Variants in HS2ST1 observed in about 807,000 individuals in gnomAD.
HS2ST1 encodes the protein heparan sulfate 2-O-sulfotransferase 1.
In HS2ST1, 18 loss-of-function variants were observed where a neutral mutation model predicts 42.9. The observed-to-expected ratio is 0.42, with a 90% CI of 0.29 to 0.62. HS2ST1 has a LOEUF of 0.62. HS2ST1 is among the 20% of genes least tolerant of loss of function. HS2ST1 has a pLI of 0.21. For missense variants in HS2ST1, 334 were observed against 433.8 expected (o/e 0.77, Z 2.04); for synonymous variants, 146 against 152.9 (o/e 0.95, Z 0.33).
At chr1:87,037,439 A>AAT (rs1371329476) in intron 1 of HS2ST1, among the ~76,000 whole-genome samples, 1 of 151,806 alleles carries the variant, frequency 6.6e-6, no homozygotes, top group East Asian at 1.9e-4. Flanking sequence ...ATGGCCTTTT[A>AAT]ATATATATAT....
chr1:87,059,842 T>G lies in HS2ST1; in HGVS notation c.125-13092T>G, dbSNP rs560438712. On this transcript the variant is annotated intron_variant, in intron 1 of 6. Transcript: ENST00000370550. ...CAGTACAATCAAGGCAAATTGGTGT[T>G]TTTCTAAACTGTGAATTGGGAGAGG... Among the ~76,000 whole-genome samples the G allele has an allele frequency of 1.2e-3, 179 of 152,234 alleles. 1 individual carries two copies. The highest frequency in any genetic ancestry group is 4.0e-3 in the African/African-American group (168 of 41,528).
At chr1:87,103,302 A>G (rs1041023136) in intron 5 of HS2ST1, 130 bp from the exon 6 acceptor site, 7 of 734,190 alleles carry the variant, frequency 9.5e-6, no homozygotes, top group African/African-American at 5.5e-5. Context: ...ACAGGATGGT[A>G]ATAAAGAGGC....
intron 1 of HS2ST1, among the ~76,000 whole-genome samples, chr1:86,929,427 A>G (rs148601703): frequency 7.6e-4 from 115 of 151,934 alleles, no homozygotes; most frequent in African/African-American, 2.5e-3. Flanking sequence ...AAGAAGTAAT[A>G]ATCACTGGCA....
chr1:86,980,690 A>G (rs1457356416), intron 1 of HS2ST1, among the ~76,000 whole-genome samples: 1 of 152,206 alleles, frequency 6.6e-6, no homozygotes, highest in East Asian at 1.9e-4. Context: ...TATACCAAGT[A>G]AATCCAAGGT....
At chr1:87,037,426 TA>T (rs1650407138) in intron 1 of HS2ST1, among the ~76,000 whole-genome samples, 1 of 151,798 alleles carries the variant, frequency 6.6e-6, no homozygotes, top group African/African-American at 2.4e-5. Context: ...ATCTGTACAA[TA>T]AATGGCCTTT....
chr1:87,012,673 A>T (rs1649635493), intron 1 of HS2ST1, among the ~76,000 whole-genome samples: 1 of 152,184 alleles, frequency 6.6e-6, no homozygotes, highest in Non-Finnish European at 1.5e-5. Context: ...TAACTCATTC[A>T]GCATTAACTC....
At chr1:86,998,627 A>C (rs1649178172) in intron 1 of HS2ST1, among the ~76,000 whole-genome samples, 1 of 152,164 alleles carries the variant, frequency 6.6e-6, no homozygotes, top group African/African-American at 2.4e-5. Flanking sequence ...GAATTTTTTT[A>C]GGCTTCTGTT....
intron 1 of HS2ST1, among the ~76,000 whole-genome samples, chr1:87,028,436 C>A (rs1003783303): frequency 6.6e-6 from 1 of 152,204 alleles, no homozygotes; most frequent in Non-Finnish European, 1.5e-5. Flanking sequence ...TTTGGGTACC[C>A]ATTGAAGAGT....
chr1:87,017,217 A>G (rs1570488159), intron 1 of HS2ST1, among the ~76,000 whole-genome samples: 1 of 151,798 alleles, frequency 6.6e-6, no homozygotes, highest in Non-Finnish European at 1.5e-5. Flanking sequence ...GCTCACTGCA[A>G]CCTCCGCCTC....
chr1:87,104,507 A>G lies in HS2ST1; in HGVS notation c.882A>G (p.Lys294=). The change falls in exon 7 of 7, where the codon AAA becomes AAG. Residue 294 remains lysine, a synonymous_variant. Transcript: ENST00000370550. ...KSHLRKTTEK[K]LPTKQTIAKL... ...ATCTTAGGAAAACCACAGAGAAGAA[A>G]CTCCCCACTAAACAAACCATTGCAA... The G allele has an allele frequency of 6.2e-7, 1 of 1,613,206 alleles. No individual in the cohort carries two copies. Among genetic ancestry groups the G allele is most frequent in the Admixed American group, 1.7e-5 (1 of 59,992 alleles).
At chr1:86,951,544 A>AC (rs1046512810) in intron 1 of HS2ST1, among the ~76,000 whole-genome samples, 5 of 152,178 alleles carry the variant, frequency 3.3e-5, no homozygotes, top group Non-Finnish European at 7.4e-5. Context: ...ATTGCTAAAA[A>AC]AAATGCTAAC....
chr1:86,981,828 G>A (rs554143641), intron 1 of HS2ST1, among the ~76,000 whole-genome samples: 22 of 152,340 alleles, frequency 1.4e-4, no homozygotes, highest in African/African-American at 5.1e-4. Context: ...TCTGGAGGAC[G>A]GTGGCCCTTT....
chr1:87,005,601 A>T (rs1210891707), intron 1 of HS2ST1, among the ~76,000 whole-genome samples: 2 of 152,164 alleles, frequency 1.3e-5, no homozygotes, highest in African/African-American at 4.8e-5. Flanking sequence ...GAATGTATAC[A>T]TTTTGAATGC....
At chr1:87,018,846 T>A (rs1015445345) in intron 1 of HS2ST1, among the ~76,000 whole-genome samples, 2 of 152,226 alleles carry the variant, frequency 1.3e-5, no homozygotes, top group African/African-American at 4.8e-5. Context: ...GTACTCTGTT[T>A]AGTTATAATA....
At chr1:87,057,173 C>T (rs1232415635) in intron 1 of HS2ST1, among the ~76,000 whole-genome samples, 1 of 152,134 alleles carries the variant, frequency 6.6e-6, no homozygotes. Context: ...TTTATGCTGA[C>T]ATGTCATATT....
chr1:86,924,921 C>T (rs1341429700), intron 1 of HS2ST1, among the ~76,000 whole-genome samples: 1 of 152,180 alleles, frequency 6.6e-6, no homozygotes, highest in Non-Finnish European at 1.5e-5. Flanking sequence ...TGGATTTCTC[C>T]TGAGAAAATG....
intron 4 of HS2ST1, among the ~76,000 whole-genome samples, chr1:87,096,313 A>G (rs560782522): frequency 6.6e-6 from 1 of 152,292 alleles, no homozygotes; most frequent in East Asian, 1.9e-4. Flanking sequence ...TCTTTTAACC[A>G]AGCATAATTT....
chr1:87,054,708 A>C (rs2100617006), intron 1 of HS2ST1, among the ~76,000 whole-genome samples: 1 of 152,316 alleles, frequency 6.6e-6, no homozygotes, highest in African/African-American at 2.4e-5. Context: ...GTTTGCCAAG[A>C]TAATTAAGAA....
intron 1 of HS2ST1, among the ~76,000 whole-genome samples, chr1:87,068,643 A>G (rs1370025060): frequency 3.3e-5 from 5 of 152,172 alleles, no homozygotes; most frequent in Non-Finnish European, 5.9e-5. Flanking sequence ...ACCGGTTGTC[A>G]AAGGACTTCC....
Sources: gnomAD v4.1 joint callset for allele counts (sites outside exome capture counted in the v4.1 genomes callset) on GRCh38, gnomAD v4.1.1 for gene constraint, MANE v1.5 for transcripts, NCBI Gene and HGNC (gene_info 2026-07-23, HGNC 2026-07-21) for gene names.